The following TRHDE variants were observed in gnomAD, a reference collection of about 807,000 sequenced individuals.
TRHDE encodes the protein thyrotropin-releasing hormone-degrading ectoenzyme.
In TRHDE, 72 loss-of-function variants were observed where a neutral mutation model predicts 125.7. That is an observed-to-expected ratio of 0.57 (90% CI 0.47 to 0.70). TRHDE has a LOEUF of 0.70. TRHDE is among the 30% of genes least tolerant of loss of function. TRHDE has a pLI of 0.00. For synonymous variants in TRHDE, 509 were observed against 509.1 expected (o/e 1.00, Z 0.00); for missense variants, 1,110 against 1,327.1 (o/e 0.84, Z 2.54).
rs144150527 is a variant in TRHDE at position 72,570,308 on chromosome 12, C to G, written c.2131+1652C>G. Among the ~76,000 whole-genome samples, 651 of 152,174 alleles carry G rather than the reference C, an allele frequency of 4.3e-3. 2 individuals are homozygous for G. Among genetic ancestry groups the G allele is most frequent in the African/African-American group, 0.014 (597 of 41,536 alleles). ...CAAGAATAGTATCCCAGGCTGGGCG[C>G]TGTGGCTCATGCCTGTAATCCCAGC... On this transcript the variant is annotated intron_variant, in intron 10 of 18. Coordinates refer to ENST00000261180, the MANE Select transcript of TRHDE (RefSeq NM_013381.3).
At chr12:72,497,356 A>G (rs1285576080) in intron 5 of TRHDE, among the ~76,000 whole-genome samples, 1 of 152,124 alleles carries the variant, frequency 6.6e-6, no homozygotes, top group Non-Finnish European at 1.5e-5. Context: ...TTTAAAAATT[A>G]CATCTCTAGC....
At chr12:72,226,811 G>A (rs1364555502) in intron 2 of TRHDE, among the ~76,000 whole-genome samples, 1 of 152,180 alleles carries the variant, frequency 6.6e-6, no homozygotes, top group Non-Finnish European at 1.5e-5. Context: ...GCACATGGCT[G>A]AGAAACTACA....
intron 2 of TRHDE, among the ~76,000 whole-genome samples, chr12:72,244,861 C>T (rs1172965208): frequency 1.3e-5 from 2 of 152,100 alleles, no homozygotes; most frequent in Non-Finnish European, 2.9e-5. Flanking sequence ...ATAGATTTCA[C>T]TCCCATTAAA....
intron 6 of TRHDE, among the ~76,000 whole-genome samples, chr12:72,516,270 C>A (rs930473401): frequency 6.6e-6 from 1 of 151,948 alleles, no homozygotes; most frequent in Non-Finnish European, 1.5e-5. Context: ...TTCTTCCTAC[C>A]CATGAGCATG....
At chr12:72,598,255 A>G in intron 12 of TRHDE, among the ~76,000 whole-genome samples, 1 of 152,196 alleles carries the variant, frequency 6.6e-6, no homozygotes, top group African/African-American at 2.4e-5. Context: ...GCCTAACTTT[A>G]CAGCTAAGTT....
chr12:72,525,677 A>G (rs1030629802), intron 6 of TRHDE, among the ~76,000 whole-genome samples: 2 of 150,420 alleles, frequency 1.3e-5, no homozygotes, highest in Non-Finnish European at 3.0e-5. Context: ...TTTTTCGGCT[A>G]TTCACTTCTT....
intron 7 of TRHDE, among the ~76,000 whole-genome samples, chr12:72,553,559 C>T (rs1325851122): frequency 6.6e-6 from 1 of 151,988 alleles, no homozygotes; most frequent in Non-Finnish European, 1.5e-5. Flanking sequence ...CATCAGGGGT[C>T]TTGTCATCTC....
intron 5 of TRHDE, among the ~76,000 whole-genome samples, chr12:72,490,604 TAC>T (rs56752236): frequency 0.11 from 16,648 of 147,882 alleles, 1,353 homozygotes; most frequent in African/African-American, 0.23. Flanking sequence ...TGTGTATAAA[TAC>T]ACACACACAC....
chr12:72,369,478 CTG>C (rs1473938754), intron 2 of TRHDE, among the ~76,000 whole-genome samples: 1 of 152,146 alleles, frequency 6.6e-6, no homozygotes, highest in African/African-American at 2.4e-5. Context: ...AGGAGTAAAA[CTG>C]TGTCAGGACA....
At chr12:72,346,551 C>T (rs771164329) in intron 2 of TRHDE, among the ~76,000 whole-genome samples, 2 of 151,888 alleles carry the variant, frequency 1.3e-5, no homozygotes, top group Non-Finnish European at 2.9e-5. Context: ...AATTTGTCTG[C>T]CTGGGAATGG....
At chr12:72,617,283 T>TA (rs1461305079) in intron 12 of TRHDE, among the ~76,000 whole-genome samples, 1 of 152,248 alleles carries the variant, frequency 6.6e-6, no homozygotes, top group African/African-American at 2.4e-5. Flanking sequence ...TCAAAATCGT[T>TA]AGAGTGTCAC....
chr12:72,141,677 A>C (rs954130903), intron 2 of TRHDE, among the ~76,000 whole-genome samples: 3 of 152,266 alleles, frequency 2.0e-5, no homozygotes. Context: ...AATGATTCTC[A>C]TCTTTAATGA....
At chr12:72,406,512 C>A (rs554324287) in intron 3 of TRHDE, among the ~76,000 whole-genome samples, 7 of 152,106 alleles carry the variant, frequency 4.6e-5, no homozygotes, top group Middle Eastern at 3.4e-3. Flanking sequence ...AGTGGGGGTT[C>A]CTGGATCTTT....
chr12:72,382,484 G>A (rs968550795), intron 3 of TRHDE, among the ~76,000 whole-genome samples: 1 of 152,130 alleles, frequency 6.6e-6, no homozygotes, highest in African/African-American at 2.4e-5. Context: ...CTGGAGAAGA[G>A]CTGTTTCTGC....
At chr12:72,425,778 A>G (rs768912610) in intron 3 of TRHDE, among the ~76,000 whole-genome samples, 5 of 152,084 alleles carry the variant, frequency 3.3e-5, no homozygotes, top group Non-Finnish European at 5.9e-5. Context: ...TAGTTAATTA[A>G]TTAATTTACT....
chr12:72,471,069 G>T (rs1183178920), intron 4 of TRHDE, among the ~76,000 whole-genome samples: 1 of 151,748 alleles, frequency 6.6e-6, no homozygotes, highest in African/African-American at 2.4e-5. Context: ...TAGAGACGGG[G>T]TTTCACCATC....
intron 12 of TRHDE, among the ~76,000 whole-genome samples, chr12:72,614,359 T>C (rs1872740472): frequency 7.2e-6 from 1 of 139,698 alleles, no homozygotes. Context: ...ACTGATCAAA[T>C]TAGCTGTTGG....
chr12:72,381,632 G>A (rs1164524092), intron 3 of TRHDE, among the ~76,000 whole-genome samples: 1 of 152,116 alleles, frequency 6.6e-6, no homozygotes, highest in Middle Eastern at 3.4e-3. Context: ...TCCTGACCTC[G>A]TGATCCGCCC....
chr12:72,459,848 G>A (rs1040127809), intron 3 of TRHDE, among the ~76,000 whole-genome samples: 10 of 152,058 alleles, frequency 6.6e-5, no homozygotes, highest in Admixed American at 3.3e-4. Context: ...GAACTCCTGG[G>A]ATCAGGTGAT....
Sources: allele counts gnomAD v4.1 joint callset (sites outside exome capture counted in the v4.1 genomes callset), GRCh38; gene constraint gnomAD v4.1.1; transcripts MANE v1.5; gene names NCBI Gene and HGNC (gene_info 2026-07-23, HGNC 2026-07-21).